The following RNGTT variants were observed in gnomAD, a reference collection of about 807,000 sequenced individuals.
RNGTT encodes RNA guanylyltransferase and 5'-phosphatase, also known as mRNA-capping enzyme.
A neutral mutation model predicts 79.3 loss-of-function variants in RNGTT; 33 were observed. The observed-to-expected ratio is 0.42, with a 90% CI of 0.32 to 0.56. The LOEUF (loss-of-function observed/expected upper bound fraction) is 0.56, where lower values mean the gene tolerates loss of function less well. Among genes scored for constraint, RNGTT ranks in the 20% least tolerant of loss-of-function variants. The pLI, the probability that RNGTT is intolerant of heterozygous loss-of-function variation, is 0.17. For synonymous variants in RNGTT, 222 were observed against 235.9 expected (o/e 0.94, Z 0.54); for missense variants, 497 against 739.1 (o/e 0.67, Z 3.80).
At position 88,783,718 on chromosome 6, in the gene RNGTT, C is replaced by T. The variant is rs369288188; in HGVS notation, c.1339-13844G>A. Among the ~76,000 whole-genome samples the T allele has an allele frequency of 1.8e-4, 27 of 152,252 alleles. No individual in the cohort carries two copies. The East Asian group carries it at 4.2e-3, about 24-fold the overall frequency. ...GCAGGGTTCTTTAACAGCAATACTA[C>T]TGACATTGGGGCAGTTGACTCTTTG... On this transcript the variant is annotated intron_variant, in intron 12 of 15. Coordinates refer to ENST00000369485, the MANE Select transcript of RNGTT (RefSeq NM_003800.5).
chr6:88,891,448 G>A (rs572636790), intron 7 of RNGTT, among the ~76,000 whole-genome samples: 1 of 152,040 alleles, frequency 6.6e-6, no homozygotes, highest in Non-Finnish European at 1.5e-5. Context: ...GATTTTCCTA[G>A]ACTTCTGATT....
At position 88,892,789 on chromosome 6, in the gene RNGTT, G is replaced by A. The variant is rs1358125429; in HGVS notation, c.685-874C>T. On this transcript the variant is annotated intron_variant, in intron 6 of 15. Coordinates refer to ENST00000369485, the MANE Select transcript of RNGTT (RefSeq NM_003800.5). ...AAAAAGTTAGTCTACAAGCTACAACGTTCAACCTTCTGGCAAAGACCTGGC... is the reference window on the plus strand; with the variant it reads ...AAAAAGTTAGTCTACAAGCTACAACATTCAACCTTCTGGCAAAGACCTGGC... Among the ~76,000 whole-genome samples, 4 of 152,116 alleles carry A rather than the reference G, an allele frequency of 2.6e-5. No individual in the cohort carries two copies. In the East Asian group the frequency reaches 5.8e-4, roughly 22 times the overall value.
intron 11 of RNGTT, among the ~76,000 whole-genome samples, chr6:88,843,025 A>C (rs1423317772): frequency 6.6e-6 from 1 of 152,078 alleles, no homozygotes; most frequent in African/African-American, 2.4e-5. Context: ...TGGTGAGCCG[A>C]GATGGCACCA....
At chr6:88,670,477 T>C (rs1774593370) in intron 14 of RNGTT, among the ~76,000 whole-genome samples, 1 of 152,096 alleles carries the variant, frequency 6.6e-6, no homozygotes, top group African/African-American at 2.4e-5. Flanking sequence ...TTCCCACTAA[T>C]AAGTGAGATT....
At chr6:88,827,984 T>A (rs1259958801) in intron 11 of RNGTT, among the ~76,000 whole-genome samples, 2 of 152,172 alleles carry the variant, frequency 1.3e-5, no homozygotes, top group Non-Finnish European at 2.9e-5. Flanking sequence ...TAAACGTTCC[T>A]GCCTACTACT....
At chr6:88,758,463 T>C (rs928958634) in intron 13 of RNGTT, among the ~76,000 whole-genome samples, 1 of 152,230 alleles carries the variant, frequency 6.6e-6, no homozygotes, top group Non-Finnish European at 1.5e-5. Context: ...CAGGTAGTTT[T>C]TGACCATCTG....
At chr6:88,734,302 TA>T (rs936137500) in intron 13 of RNGTT, among the ~76,000 whole-genome samples, 8 of 151,442 alleles carry the variant, frequency 5.3e-5, no homozygotes, top group Non-Finnish European at 7.4e-5. Context: ...GACAACCACT[TA>T]AAAAAAACTG....
intron 2 of RNGTT, among the ~76,000 whole-genome samples, chr6:88,935,655 T>G (rs1784643599): frequency 6.6e-6 from 1 of 152,214 alleles, no homozygotes; most frequent in African/African-American, 2.4e-5. Flanking sequence ...CAGATTGCTT[T>G]GGAAAGTATG....
At position 88,781,767 on chromosome 6, in the gene RNGTT, G is replaced by C. The variant is rs184908093; in HGVS notation, c.1339-11893C>G. Among the ~76,000 whole-genome samples, 110 of 152,160 alleles carry C rather than the reference G, an allele frequency of 7.2e-4. 2 individuals carry two copies. The highest frequency in any genetic ancestry group is 2.2e-3 in the African/African-American group (93 of 41,448). ...ATTTATATTCTTAAACAAAAAACTA[G>C]TTCATCTCCATTCTGATTTCCATTT... On this transcript the variant is annotated intron_variant, in intron 12 of 15. Coordinates refer to ENST00000369485, the MANE Select transcript of RNGTT (RefSeq NM_003800.5).
At chr6:88,940,069 T>G (rs1376269448) in intron 2 of RNGTT, among the ~76,000 whole-genome samples, 1 of 151,190 alleles carries the variant, frequency 6.6e-6, no homozygotes, top group Non-Finnish European at 1.5e-5. Flanking sequence ...AGTTTTTCTT[T>G]TTTTTTTTTC....
At chr6:88,917,316 T>C in intron 4 of RNGTT, among the ~76,000 whole-genome samples, 1 of 152,024 alleles carries the variant, frequency 6.6e-6, no homozygotes, top group East Asian at 1.9e-4. Flanking sequence ...TGAACAACTC[T>C]CAATAAAAAA....
chr6:88,641,656 C>A (rs899155405), intron 14 of RNGTT, among the ~76,000 whole-genome samples: 7 of 152,162 alleles, frequency 4.6e-5, no homozygotes, highest in African/African-American at 1.7e-4. Context: ...TTTTAAGTTT[C>A]AAACCTGTTT....
At chr6:88,843,122 T>A (rs1781355775) in intron 11 of RNGTT, among the ~76,000 whole-genome samples, 1 of 148,998 alleles carries the variant, frequency 6.7e-6, no homozygotes, top group South Asian at 2.1e-4. Context: ...CACCTTCCCA[T>A]TACAATACAC....
rs904663498 is a variant in RNGTT, at chr6:88,873,091, A to T, written c.896+17404T>A. Among the ~76,000 whole-genome samples the T allele has an allele frequency of 1.3e-4, 20 of 152,144 alleles. 1 individual carries two copies. Among genetic ancestry groups the T allele is most frequent in the Non-Finnish European group, 1.8e-4 (12 of 68,026 alleles). Reference sequence around the variant, plus strand: ...GGGTGAACAGAAAAAAAAAAGAAAGAAAGTAAAAGAAACTGAACCAAATGG... The same window carrying T: ...GGGTGAACAGAAAAAAAAAAGAAAGTAAGTAAAAGAAACTGAACCAAATGG... On this transcript the variant is annotated intron_variant, in intron 8 of 15. Coordinates refer to ENST00000369485, the MANE Select transcript of RNGTT (RefSeq NM_003800.5).
intron 12 of RNGTT, among the ~76,000 whole-genome samples, chr6:88,797,577 T>C (rs1222935880): frequency 1.3e-5 from 2 of 152,168 alleles, no homozygotes; most frequent in East Asian, 1.9e-4. Context: ...ACTGCATTGA[T>C]AAAAAGTAAA....
At chr6:88,817,035 C>G (rs1284887047) in intron 11 of RNGTT, among the ~76,000 whole-genome samples, 2 of 152,086 alleles carry the variant, frequency 1.3e-5, no homozygotes, top group African/African-American at 4.8e-5. Context: ...ACCTGAAGCA[C>G]CAAAAGATAA....
intron 11 of RNGTT, 137 bp downstream of exon 11, chr6:88,844,220 A>G (rs1332673692): frequency 4.0e-6 from 3 of 741,512 alleles, no homozygotes; most frequent in Non-Finnish European, 6.2e-6. Flanking sequence ...ATGTTTGGCC[A>G]AAACAGCGCT....
chr6:88,747,366 C>T (rs1347874864), intron 13 of RNGTT, among the ~76,000 whole-genome samples: 7 of 152,314 alleles, frequency 4.6e-5, no homozygotes, highest in Middle Eastern at 3.4e-3. Context: ...ATCATGGCTC[C>T]TCTTTCTCAA....
intron 8 of RNGTT, among the ~76,000 whole-genome samples, chr6:88,857,970 G>A (rs1781892548): frequency 6.6e-6 from 1 of 152,092 alleles, no homozygotes; most frequent in Non-Finnish European, 1.5e-5. Context: ...TCTATAATCA[G>A]ACCCAGAGAA....
Sources: gnomAD v4.1 joint callset for allele counts (sites outside exome capture counted in the v4.1 genomes callset) on GRCh38, gnomAD v4.1.1 for gene constraint, MANE v1.5 for transcripts, NCBI Gene and HGNC (gene_info 2026-07-23, HGNC 2026-07-21) for gene names.